The following DPYD variants were observed in gnomAD, a reference collection of about 807,000 sequenced individuals.
DPYD encodes the protein dihydropyrimidine dehydrogenase, also known as dihydropyrimidine dehydrogenase [NADP(+)].
In DPYD, 109 loss-of-function variants were observed where a neutral mutation model predicts 116.2. That is an observed-to-expected ratio of 0.94 (90% confidence interval 0.80 to 1.10). DPYD has a LOEUF of 1.10. Among genes scored for constraint, DPYD ranks in the 50% least tolerant of loss-of-function variants. The probability of loss-of-function intolerance (pLI) is 0.00; values close to 1 mark genes in which losing one functional copy is unlikely to be tolerated. For missense variants in DPYD, 1,302 were observed against 1,254.5 expected (o/e 1.04, Z -0.57); for synonymous variants, 440 against 432.0 (o/e 1.02, Z -0.23).
chr1:97,323,627 TC>T lies in DPYD; in HGVS notation c.2059-17331del, dbSNP rs1352952554. Among the ~76,000 whole-genome samples, 5 of 58,278 alleles carry T rather than the reference TC, an allele frequency of 8.6e-5. No individual in the cohort carries two copies. In the South Asian group the frequency reaches 1.9e-3, roughly 22 times the overall value. 38.2% of individuals were successfully genotyped at this position (58,278 alleles called of 152,430 possible). A position where few individuals can be genotyped will look rare whatever the true frequency, so the allele number is the denominator to read the frequency against. On this transcript the variant is annotated intron_variant, in intron 16 of 22. Transcript: ENST00000370192. ...GTATATATACACGTATATATACATATCATATATACATATATGTGTATATATA... is the reference window on the plus strand; with the variant it reads ...GTATATATACACGTATATATACATATATATATACATATATGTGTATATATA...
intron 14 of DPYD, among the ~76,000 whole-genome samples, chr1:97,403,849 C>T (rs972270320): frequency 2.0e-5 from 3 of 151,666 alleles, no homozygotes; most frequent in African/African-American, 7.3e-5. Context: ...ACTAAATTTG[C>T]TTTTCATTTT....
rs1165343585 is a variant in DPYD, at chr1:97,662,109, T to C, written c.850+16986A>G. 3.4e-5 allele frequency among the ~76,000 whole-genome samples: 5 copies of C among 149,036 alleles called. No homozygotes were observed. The East Asian group carries it at 1.0e-3, about 31-fold the overall frequency. On this transcript the variant is annotated intron_variant, in intron 8 of 22. Coordinates refer to ENST00000370192, the MANE Select transcript of DPYD (RefSeq NM_000110.4). ...TCCGCCTCCCAGGTTCACGCCATTC[T>C]CCTGTCTCAATCTCCCTAGTAGCTG... is the stretch of plus-strand genomic sequence containing the variant.
intron 3 of DPYD, among the ~76,000 whole-genome samples, chr1:97,819,125 T>C (rs1668785226): frequency 6.6e-6 from 1 of 151,866 alleles, no homozygotes; most frequent in African/African-American, 2.4e-5. Flanking sequence ...ATAAACCAAA[T>C]CAAAGAACCT....
chr1:97,916,834 C>T (rs1674239873), intron 1 of DPYD, among the ~76,000 whole-genome samples: 2 of 151,994 alleles, frequency 1.3e-5, no homozygotes, highest in Non-Finnish European at 2.9e-5. Context: ...ATACTGAGAC[C>T]CCCATCTCTA....
intron 8 of DPYD, among the ~76,000 whole-genome samples, chr1:97,639,879 C>T (rs768844080): frequency 6.6e-6 from 1 of 152,118 alleles, no homozygotes; most frequent in Non-Finnish European, 1.5e-5. Flanking sequence ...ACAGATGACG[C>T]AGAACATGCC....
rs138125905 is a variant in DPYD at position 97,381,196 on chromosome 1, T to C, written c.1974+1197A>G. Among the ~76,000 whole-genome samples, 16 of 152,206 alleles carry C rather than the reference T, an allele frequency of 1.1e-4. No individual in the cohort carries two copies. In the East Asian group the frequency reaches 1.9e-3, roughly 18 times the overall value. On this transcript the variant is annotated intron_variant, in intron 15 of 22. Transcript: ENST00000370192. ...TTGCTACAGAGTAATTAGAAGGTGATATTAAATAAAACTGAAATTAAAGAA... is the reference window on the plus strand; with the variant it reads ...TTGCTACAGAGTAATTAGAAGGTGACATTAAATAAAACTGAAATTAAAGAA...
At chr1:97,823,848 A>C (rs1416450275) in intron 3 of DPYD, among the ~76,000 whole-genome samples, 1 of 144,516 alleles carries the variant, frequency 6.9e-6, no homozygotes, top group Non-Finnish European at 1.5e-5. Context: ...GGCCATGTGA[A>C]GTGAGACTAC....
chr1:97,464,208 C>T (rs898755120), intron 13 of DPYD, among the ~76,000 whole-genome samples: 22 of 149,030 alleles, frequency 1.5e-4, no homozygotes, highest in African/African-American at 4.4e-4. Flanking sequence ...CACTGCACTC[C>T]AGCCTGGGCA....
At chr1:97,639,611 C>G (rs1399878326) in intron 8 of DPYD, among the ~76,000 whole-genome samples, 1 of 152,026 alleles carries the variant, frequency 6.6e-6, no homozygotes, top group African/African-American at 2.4e-5. Flanking sequence ...TGTGCTATAT[C>G]AAATAATCAA....
chr1:97,565,447 C>G (rs951924268), intron 11 of DPYD, among the ~76,000 whole-genome samples: 1 of 152,128 alleles, frequency 6.6e-6, no homozygotes, highest in East Asian at 1.9e-4. Context: ...TCCTTTGACT[C>G]CACATATATT....
intron 20 of DPYD, among the ~76,000 whole-genome samples, chr1:97,172,864 T>A (rs552311666): frequency 1.3e-5 from 2 of 152,320 alleles, no homozygotes; most frequent in East Asian, 3.9e-4. Flanking sequence ...TAGAATGGAA[T>A]TAATGAGGAC....
intron 19 of DPYD, among the ~76,000 whole-genome samples, chr1:97,218,081 A>G (rs565598306): frequency 2.9e-4 from 44 of 152,346 alleles, no homozygotes; most frequent in African/African-American, 4.1e-4. Context: ...TAACTACCAT[A>G]GTATACATGA....
At chr1:97,149,164 A>C (rs1376008200) in intron 20 of DPYD, among the ~76,000 whole-genome samples, 1 of 152,248 alleles carries the variant, frequency 6.6e-6, no homozygotes, top group African/African-American at 2.4e-5. Context: ...TAAACAATTA[A>C]AATGCTCTAC....
intron 14 of DPYD, among the ~76,000 whole-genome samples, chr1:97,393,468 G>T (rs557030924): frequency 6.9e-6 from 1 of 145,274 alleles, no homozygotes; most frequent in African/African-American, 2.5e-5. Context: ...AACAGGCCCC[G>T]GTGTGTGATG....
intron 14 of DPYD, among the ~76,000 whole-genome samples, chr1:97,446,753 G>A (rs371911108): frequency 8.3e-4 from 126 of 151,828 alleles, no homozygotes; most frequent in African/African-American, 2.9e-3. Flanking sequence ...AATTTTCCCC[G>A]GCCCAAAATA....
chr1:97,376,255 A>G (rs1416615774), intron 15 of DPYD, among the ~76,000 whole-genome samples: 2 of 152,208 alleles, frequency 1.3e-5, no homozygotes, highest in African/African-American at 2.4e-5. Flanking sequence ...ATTTACTACA[A>G]ATCACTTATT....
At chr1:97,815,311 T>C (rs566342272) in intron 3 of DPYD, among the ~76,000 whole-genome samples, 68 of 152,048 alleles carry the variant, frequency 4.5e-4, no homozygotes, top group Admixed American at 3.9e-4. Context: ...AGGAAAGAAA[T>C]GATAACTACC....
intron 18 of DPYD, among the ~76,000 whole-genome samples, chr1:97,269,923 C>T (rs1403090579): frequency 6.6e-6 from 1 of 152,160 alleles, no homozygotes; most frequent in Non-Finnish European, 1.5e-5. Flanking sequence ...ATTACTTCAT[C>T]AGCAAATTTA....
chr1:97,521,420 A>C (rs1232039508), intron 12 of DPYD, among the ~76,000 whole-genome samples: 1 of 152,252 alleles, frequency 6.6e-6, no homozygotes, highest in Non-Finnish European at 1.5e-5. Context: ...GAGAGGACAC[A>C]AACAAATGGA....
Sources: allele counts gnomAD v4.1 joint callset (sites outside exome capture counted in the v4.1 genomes callset), GRCh38; gene constraint gnomAD v4.1.1; transcripts MANE v1.5; gene names NCBI Gene and HGNC (gene_info 2026-07-23, HGNC 2026-07-21).